Variants in PAPOLA observed in about 807,000 individuals in gnomAD.
PAPOLA encodes polynucleotide adenylyltransferase alpha.
A neutral mutation model predicts 100.6 loss-of-function variants in PAPOLA; 15 were observed. The observed-to-expected ratio is 0.15, with a 90% CI of 0.10 to 0.23. The LOEUF (loss-of-function observed/expected upper bound fraction) is 0.23, where lower values mean the gene tolerates loss of function less well. PAPOLA is among the 10% of genes least tolerant of loss of function. The probability of loss-of-function intolerance (pLI) is 1.00; values close to 1 mark genes in which losing one functional copy is unlikely to be tolerated. For missense variants in PAPOLA, 533 were observed against 884.2 expected (o/e 0.60, Z 5.04); for synonymous variants, 293 against 300.0 (o/e 0.98, Z 0.24).
At chr14:96,505,835 C>T (rs1896672632) in intron 1 of PAPOLA, among the ~76,000 whole-genome samples, 1 of 152,228 alleles carries the variant, frequency 6.6e-6, no homozygotes. Context: ...ATCATAGGAA[C>T]AATCAAGGCA....
At chr14:96,533,213 T>A (rs1899198603) in intron 9 of PAPOLA, 1 of 982,708 alleles carries the variant, frequency 1.0e-6, no homozygotes, top group Non-Finnish European at 1.2e-6. Flanking sequence ...ATATGTCAAC[T>A]ATGATTTAAG....
intron 17 of PAPOLA, among the ~76,000 whole-genome samples, chr14:96,554,675 C>G (rs1469220829): frequency 6.6e-6 from 1 of 152,086 alleles, no homozygotes. Flanking sequence ...GAGGACTTTT[C>G]TGCTTTTGTT....
At chr14:96,531,691 CAGT>C (rs1899032377) in intron 7 of PAPOLA, 105 bp downstream of exon 7, 1 of 1,526,946 alleles carries the variant, frequency 6.5e-7, no homozygotes, top group Non-Finnish European at 8.8e-7. Context: ...ATTGTTAACA[CAGT>C]AGTGAGTTAA....
chr14:96,508,866 A>G (rs1336549990), intron 1 of PAPOLA, among the ~76,000 whole-genome samples: 2 of 152,206 alleles, frequency 1.3e-5, no homozygotes, highest in Non-Finnish European at 2.9e-5. Context: ...TTCCCCTAAA[A>G]GTTGGTTAAA....
intron 2 of PAPOLA, 149 bp downstream of exon 2, chr14:96,520,377 A>G: frequency 1.6e-6 from 1 of 636,424 alleles, no homozygotes; most frequent in East Asian, 2.9e-5. Flanking sequence ...TACTTAAGAG[A>G]GAAAACTTTT....
intron 20 of PAPOLA, 22 bp from the exon 21 acceptor site, chr14:96,562,797 C>T: frequency 2.0e-6 from 3 of 1,475,870 alleles, no homozygotes; most frequent in East Asian, 2.3e-5. Flanking sequence ...TTTCCCCCTT[C>T]CCCATCCTCT....
chr14:96,530,381 TG>T (rs1898886939), intron 6 of PAPOLA, among the ~76,000 whole-genome samples: 1 of 151,780 alleles, frequency 6.6e-6, no homozygotes, highest in African/African-American at 2.4e-5. Flanking sequence ...CATGTTTGTT[TG>T]TTTTTTTTTT....
chr14:96,531,395 T>G, intron 6 of PAPOLA, 80 bp from the exon 7 acceptor site: 2 of 1,127,406 alleles, frequency 1.8e-6, no homozygotes, highest in Non-Finnish European at 1.3e-6. Flanking sequence ...GTGCTGGGAT[T>G]TTTTGTTTGT....
chr14:96,534,808 T>A, intron 10 of PAPOLA: 2 of 1,259,000 alleles, frequency 1.6e-6, no homozygotes, highest in Non-Finnish European at 2.0e-6. Flanking sequence ...ACTAACATTT[T>A]AATTTATTCT....
chr14:96,556,127 C>T, intron 18 of PAPOLA, 48 bp from the exon 19 acceptor site: 1 of 1,441,328 alleles, frequency 6.9e-7, no homozygotes, highest in African/African-American at 1.4e-5. Context: ...CAACTTGATA[C>T]TGATTTGGTT....
intron 6 of PAPOLA, among the ~76,000 whole-genome samples, chr14:96,530,429 C>T (rs1211488474): frequency 6.6e-6 from 1 of 150,408 alleles, no homozygotes; most frequent in Non-Finnish European, 1.5e-5. Context: ...CTTACTTTAC[C>T]CAGGCTAGAG....
At chr14:96,509,523 A>G (rs1215971738) in intron 1 of PAPOLA, among the ~76,000 whole-genome samples, 2 of 152,216 alleles carry the variant, frequency 1.3e-5, no homozygotes, top group East Asian at 3.8e-4. Context: ...GATCTTGTGC[A>G]TTGCTTAATG....
At chr14:96,505,389 G>A (rs1896636955) in intron 1 of PAPOLA, among the ~76,000 whole-genome samples, 1 of 152,134 alleles carries the variant, frequency 6.6e-6, no homozygotes, top group South Asian at 2.1e-4. Context: ...GAAACTAGAT[G>A]TATTTCTGCC....
intron 7 of PAPOLA, 145 bp downstream of exon 7, chr14:96,531,731 A>G: frequency 2.0e-6 from 3 of 1,496,188 alleles, no homozygotes; most frequent in South Asian, 1.3e-5. Context: ...CTAATAAACT[A>G]CAGAAGAGTA....
At chr14:96,537,411 T>A (rs1231776362) in intron 12 of PAPOLA, 1 of 177,818 alleles carries the variant, frequency 5.6e-6, no homozygotes, top group African/African-American at 2.4e-5. Flanking sequence ...ACAGTATTTT[T>A]ATCTAATTCT....
chr14:96,525,625 T>C (rs1427103130), intron 4 of PAPOLA, among the ~76,000 whole-genome samples: 3 of 152,158 alleles, frequency 2.0e-5, no homozygotes, highest in African/African-American at 7.2e-5. Context: ...GTGACTCATA[T>C]CTGTAATCCT....
intron 17 of PAPOLA, among the ~76,000 whole-genome samples, chr14:96,555,301 TG>T (rs1178327804): frequency 6.6e-6 from 1 of 151,090 alleles, no homozygotes; most frequent in Non-Finnish European, 1.5e-5. Flanking sequence ...GTTTCAGACT[TG>T]AGCTCAAGCA....
rs1899106137 is a variant in PAPOLA, at chr14:96,532,319, C to A, written c.608-12C>A. ...GTGTGTGTGTGTGTTTTTTTTTACC[C>A]CTATTAATTAGGTTGCAGGGTAACC... On this transcript the variant is annotated splice_polypyrimidine_tract_variant and intron_variant, in intron 7 of 21. Transcript: ENST00000216277. 6.3e-7 allele frequency: 1 copy of A among 1,587,608 alleles called. No homozygotes were observed.
At chr14:96,552,174 GT>G (rs2140320197) in intron 16 of PAPOLA, among the ~76,000 whole-genome samples, 1 of 152,184 alleles carries the variant, frequency 6.6e-6, no homozygotes, top group South Asian at 2.1e-4. Flanking sequence ...TGAGATTCTT[GT>G]GTTTTTATAT....
Sources: allele counts gnomAD v4.1 joint callset (sites outside exome capture counted in the v4.1 genomes callset), GRCh38; gene constraint gnomAD v4.1.1; transcripts MANE v1.5; gene names NCBI Gene and HGNC (gene_info 2026-07-23, HGNC 2026-07-21).